The following DOP1A variants were observed in gnomAD, a reference collection of about 807,000 sequenced individuals.
DOP1A encodes the protein protein DOP1A.
In DOP1A, 90 loss-of-function variants were observed where a neutral mutation model predicts 267.6. The observed-to-expected ratio is 0.34, with a 90% CI of 0.28 to 0.40. DOP1A has a LOEUF of 0.40. Ranked by LOEUF, DOP1A falls within the 10% of genes least tolerant of loss-of-function variation. DOP1A has a pLI of 1.00. For synonymous variants in DOP1A, 932 were observed against 999.1 expected, an observed-to-expected ratio of 0.93 and a Z score of 1.27; for missense variants, 2,437 against 2,900.4, an observed-to-expected ratio of 0.84 and a Z score of 3.67.
Position 83,147,307 on chromosome 6 carries a change from T to G in DOP1A, c.5732+16T>G. On this transcript the variant is annotated intron_variant, in intron 26 of 38. Transcript: ENST00000349129. ...ATATTCAAAGGTAAGATTACTGATA[T>G]TGATCTGTCCTTACTATGTTGCTAG... is the stretch of plus-strand genomic sequence containing the variant. 7.1e-7 allele frequency: 1 copy of G among 1,404,468 alleles called. No individual in the cohort carries two copies. The highest frequency in any genetic ancestry group is 9.9e-7 in the Non-Finnish European group (1 of 1,011,230). 87.0% of individuals were successfully genotyped at this position (1,404,468 alleles called of 1,614,324 possible).
intron 20 of DOP1A, 72 bp downstream of exon 20, chr6:83,135,950 A>T: frequency 6.6e-7 from 1 of 1,516,252 alleles, no homozygotes; most frequent in Non-Finnish European, 8.9e-7. Context: ...ATACAACAGT[A>T]ATTGTTGAAA....
chr6:83,167,882 C>T lies in DOP1A; in HGVS notation c.7113C>T (p.Asn2371=), dbSNP rs780825424. Residue 2371 remains asparagine (N), a synonymous_variant, in exon 39 of 39, where the codon AAC becomes AAT. Coordinates refer to ENST00000349129, the MANE Select transcript of DOP1A (RefSeq NM_015018.4). ...KRAKKNPEED[N]SGRTLGWEPG... ...TGCAGAAAAATCCAGAGGAAGACAA[C>T]TCAGGGAGAACATTGGGTTGGGAGC... is the stretch of plus-strand genomic sequence containing the variant. 5 of 1,610,950 alleles carry T rather than the reference C, an allele frequency of 3.1e-6. No individual in the cohort carries two copies. The Admixed American group carries it at 8.4e-5, about 27-fold the overall frequency.
rs759127908 is a variant in DOP1A, at chr6:83,132,180, T to A, written c.2621T>A (p.Val874Glu). ...ACTTTTACATCTTTTTTATAGCATGTAGCTTTAACATTGTGGGACCAGTTG... is the reference window on the plus strand; with the variant it reads ...ACTTTTACATCTTTTTTATAGCATGAAGCTTTAACATTGTGGGACCAGTTG... ...IAEKTEFFKH[V>E]ALTLWDQLGD... The change falls in exon 18 of 39, where the codon GTA (valine) becomes GAA (glutamate). Residue 874 changes from valine (V) to glutamate (E), a missense_variant. Coordinates refer to ENST00000349129, the MANE Select transcript of DOP1A (RefSeq NM_015018.4). The A allele has an allele frequency of 1.6e-5, 26 of 1,607,448 alleles. No homozygotes were observed. The highest frequency in any genetic ancestry group is 2.2e-5 in the Non-Finnish European group (26 of 1,174,932).
In DOP1A at chr6:83,138,852, G is replaced by C; in HGVS notation, c.4810G>C (p.Glu1604Gln). 6.2e-7 allele frequency: 1 copy of C among 1,614,046 alleles called. No individual in the cohort carries two copies. Among genetic ancestry groups the C allele is most frequent in the South Asian group, 1.1e-5 (1 of 91,076 alleles). The part of the protein sequence containing the change: ...HRVMTIPEEN[E>Q]TGFDFVVSDL... The stretch of plus-strand genomic sequence containing the variant: ...AGTAATGACTATTCCTGAAGAGAAT[G>C]AAACAGGTTTTGATTTTGTTGTATC... The change falls in exon 21 of 39, where the codon GAA (glutamate) becomes CAA (glutamine). Residue 1604 changes from glutamate (E) to glutamine (Q), a missense_variant. Transcript: ENST00000349129.
At chr6:83,119,960 G>A in intron 9 of DOP1A, 103 bp downstream of exon 9, 1 of 826,690 alleles carries the variant, frequency 1.2e-6, no homozygotes, top group Non-Finnish European at 1.8e-6. Context: ...AGTTGAAGGG[G>A]TGGAGACAAG....
chr6:83,109,058 G>A lies in DOP1A; in HGVS notation c.469G>A (p.Glu157Lys). 6.2e-7 allele frequency: 1 copy of A among 1,613,204 alleles called. No individual in the cohort carries two copies. Reference sequence around the variant, plus strand: ...TACTGGTATTCTTCCTGGCTTAGAAGAAGGATCAGAGTACTATGAGAGGTA... The same window carrying A: ...TACTGGTATTCTTCCTGGCTTAGAAAAAGGATCAGAGTACTATGAGAGGTA... Reference protein sequence around the residue: ...LLTGILPGLEEGSEYYERTNM... With the variant: ...LLTGILPGLEKGSEYYERTNM... The change falls in exon 5 of 39, where the codon GAA becomes AAA. Residue 157 changes from glutamate to lysine, a missense_variant. Physicochemically the swap from Glu to Lys is moderately conservative, Grantham distance 56 (BLOSUM62 1). Transcript: ENST00000349129.
rs764653828 is a variant in DOP1A, at chr6:83,137,583, C to A, written c.3541C>A (p.Pro1181Thr). 1.2e-6 allele frequency: 2 copies of A among 1,613,636 alleles called. No homozygotes were observed. Among genetic ancestry groups the A allele is most frequent in the Admixed American group, 1.7e-5 (1 of 59,956 alleles). The change falls in exon 21 of 39, where the codon CCC becomes ACC. Residue 1181 changes from proline to threonine, a missense_variant. By Grantham distance (38) the Pro-to-Thr change is conservative. Transcript: ENST00000349129. ...VTSQLEIEAM[P>T]PKCSDIDPDE... is the part of the protein sequence containing the mutation. Reference sequence around the variant, plus strand: ...ATCTCAATTAGAAATTGAAGCTATGCCCCCAAAGTGCAGTGATATAGATCC... The same window carrying A: ...ATCTCAATTAGAAATTGAAGCTATGACCCCAAAGTGCAGTGATATAGATCC...
intron 3 of DOP1A, among the ~76,000 whole-genome samples, chr6:83,100,150 T>G (rs180996687): frequency 7.2e-5 from 11 of 152,296 alleles, no homozygotes; most frequent in Non-Finnish European, 1.5e-4. Context: ...AACAAAAAGT[T>G]GTTTTGTCCA....
chr6:83,139,027 G>A lies in DOP1A; in HGVS notation c.4985G>A (p.Gly1662Asp). The A allele has an allele frequency of 8.1e-6, 13 of 1,614,072 alleles. No individual in the cohort carries two copies. The highest frequency in any genetic ancestry group is 1.3e-5 in the African/African-American group (1 of 75,050). The change falls in exon 21 of 39, where the codon GGT becomes GAT. Residue 1662 changes from glycine to aspartate, a missense_variant. Transcript: ENST00000349129. ...CACKMHPQWI[G>D]LITSTLPYMG... ...TGTAAGATGCACCCACAATGGATTG[G>A]TTTAATCACATCTACTCTGCCTTAC...
intron 21 of DOP1A, 73 bp from the exon 22 acceptor site, chr6:83,139,923 TGTGA>T (rs1407929966): frequency 7.0e-5 from 64 of 920,550 alleles, no homozygotes; most frequent in African/African-American, 2.6e-4. Flanking sequence ...CCTGACACAT[TGTGA>T]GTATTTACTA....
At chr6:83,147,187 C>T (rs763795064) in intron 25 of DOP1A, 49 bp from the exon 26 acceptor site, 6 of 976,016 alleles carry the variant, frequency 6.1e-6, no homozygotes, top group Non-Finnish European at 9.2e-6. Context: ...AATGAAAAAG[C>T]AAAGGCAGTA....
chr6:83,096,182 G>A (rs1771473109), intron 1 of DOP1A, among the ~76,000 whole-genome samples: 1 of 151,826 alleles, frequency 6.6e-6, no homozygotes, highest in South Asian at 2.1e-4. Context: ...TGAACTCTTG[G>A]ACTCAAGCTA....
intron 4 of DOP1A, among the ~76,000 whole-genome samples, chr6:83,107,770 A>G (rs1773888067): frequency 6.6e-6 from 1 of 152,176 alleles, no homozygotes; most frequent in Non-Finnish European, 1.5e-5. Context: ...TAAGTAAGGG[A>G]GTGGGAATTG....
chr6:83,084,295 T>A (rs1340029926), intron 1 of DOP1A, among the ~76,000 whole-genome samples: 2 of 152,174 alleles, frequency 1.3e-5, no homozygotes, highest in Admixed American at 1.3e-4. Context: ...CTGTACAGGT[T>A]TGCAGCCTAG....
In DOP1A at chr6:83,108,893, C is replaced by G. The variant is rs751166087; in HGVS notation, c.321-17C>G. 1 of 1,600,268 alleles carries G rather than the reference C, an allele frequency of 6.2e-7. No homozygotes were observed. The highest frequency in any genetic ancestry group is 1.1e-5 in the South Asian group (1 of 88,980). On this transcript the variant is annotated splice_polypyrimidine_tract_variant and intron_variant, in intron 4 of 38. Coordinates refer to ENST00000349129, the MANE Select transcript of DOP1A (RefSeq NM_015018.4). ...GTTATTTTGCTTCCTTCTCCTTTGTCTTTATTTTTTTAATAGTTCTGGATT... is the reference window on the plus strand; with the variant it reads ...GTTATTTTGCTTCCTTCTCCTTTGTGTTTATTTTTTTAATAGTTCTGGATT...
chr6:83,100,319 C>T (rs974005985), intron 3 of DOP1A, among the ~76,000 whole-genome samples: 8 of 152,000 alleles, frequency 5.3e-5, no homozygotes, highest in Admixed American at 3.3e-4. Context: ...GACTTTATTT[C>T]AAAGTAGCAA....
intron 12 of DOP1A, among the ~76,000 whole-genome samples, chr6:83,123,229 C>T (rs778208681): frequency 4.2e-4 from 60 of 142,324 alleles, no homozygotes; most frequent in Non-Finnish European, 5.8e-4. Context: ...AAAAATTTTC[C>T]GTCTTCAGTC....
chr6:83,138,708 G>A lies in DOP1A; in HGVS notation c.4666G>A (p.Glu1556Lys). The A allele has an allele frequency of 6.2e-7, 1 of 1,614,036 alleles. No homozygotes were observed. The highest frequency in any genetic ancestry group is 8.5e-7 in the Non-Finnish European group (1 of 1,179,966). ...GGCAGGTAAGAACCTGGTTGCTGTG[G>A]AAGAAGGTTTCTCAGAGGACAGCCT... Reference protein sequence around the residue: ...KMAGKNLVAVEEGFSEDSLIN... With the variant: ...KMAGKNLVAVKEGFSEDSLIN... The change falls in exon 21 of 39, where the codon GAA becomes AAA. Residue 1556 changes from glutamate (E) to lysine (K), a missense_variant. Transcript: ENST00000349129.
chr6:83,142,045 A>G lies in DOP1A; in HGVS notation c.5540A>G (p.Lys1847Arg), dbSNP rs1188344280. The G allele has an allele frequency of 2.5e-6, 4 of 1,610,510 alleles. No homozygotes were observed. Among genetic ancestry groups the G allele is most frequent in the Non-Finnish European group, 2.5e-6 (3 of 1,179,144 alleles). The change falls in exon 24 of 39, where the codon AAG (lysine) becomes AGG (arginine). Residue 1847 changes from lysine to arginine, a missense_variant and splice_region_variant. Lys to Arg is a conservative substitution (Grantham distance 26, BLOSUM62 2). This residue lies in a region of DOP1A where 307 missense variants were observed against 308.6 expected (regional missense o/e 0.99). Transcript: ENST00000349129. ...CAGAATAAAACAACCACCAGGACCA[A>G]GGTATGTATTTAGACATTTGGCACT... Reference protein sequence around the residue: ...RRQNKTTTRTKVIPAASEEQL... With the variant: ...RRQNKTTTRTRVIPAASEEQL...
Sources: allele counts gnomAD v4.1 joint callset (sites outside exome capture counted in the v4.1 genomes callset), GRCh38; gene constraint gnomAD v4.1.1; regional missense constraint gnomAD v4.1.1; transcripts MANE v1.5; gene names NCBI Gene and HGNC (gene_info 2026-07-23, HGNC 2026-07-21).